Variants in DISP3 observed in about 807,000 individuals in gnomAD.
DISP3 encodes dispatched RND transporter family member 3.
A neutral mutation model predicts 135.3 loss-of-function variants in DISP3; 101 were observed. The observed-to-expected ratio is 0.75, with a 90% CI of 0.64 to 0.88. The LOEUF is 0.88. Ranked by LOEUF, DISP3 falls within the 40% of genes least tolerant of loss-of-function variation. DISP3 has a pLI of 0.00. For synonymous variants in DISP3, 856 were observed against 817.0 expected, an observed-to-expected ratio of 1.05 and a Z score of -0.81; for missense variants, 1,713 against 1,878.6, an observed-to-expected ratio of 0.91 and a Z score of 1.63.
chr1:11,535,009 AG>A lies in DISP3; in HGVS notation c.3538del, dbSNP rs1351962586. 6.3e-7 allele frequency: 1 copy of A among 1,575,204 alleles called. No homozygotes were observed. On this transcript the variant is annotated splice_acceptor_variant, in intron 18 of 20. Transcript: ENST00000294484. LOFTEE classifies it high-confidence loss of function. ...GCACTGAGGCCCTGTCCTCCCTTGC[AG>A]GGGTGCAGAGCGCCCTGTGCGGCCT...
Position 11,531,686 on chromosome 1 carries a change from G to A in DISP3, c.3351G>A (p.Gln1117=). 1 of 1,609,618 alleles carries A rather than the reference G, an allele frequency of 6.2e-7. No homozygotes were observed. The highest frequency in any genetic ancestry group is 8.5e-7 in the Non-Finnish European group (1 of 1,177,802). ...TGGGCGTCAGGGAGGGCCGCGTGCA[G>A]TGGATCTCCATGGCTTTCGAGTCGG... ...GAVGVREGRV[Q]WISMAFESTT... Residue 1117 remains glutamine, a synonymous_variant, in exon 17 of 21, where the codon CAG becomes CAA. Transcript: ENST00000294484. This position sits in a 1 kb window ranked among gnomAD's most constrained non-coding sequence, Gnocchi z 5.2.
At chr1:11,480,575 G>C (rs1306256807) in intron 1 of DISP3, among the ~76,000 whole-genome samples, 1 of 151,932 alleles carries the variant, frequency 6.6e-6, no homozygotes, top group African/African-American at 2.4e-5. Flanking sequence ...CTAAGCCCCA[G>C]ATTCCAGAGC....
At chr1:11,498,557 G>T (rs929294671) in intron 1 of DISP3, among the ~76,000 whole-genome samples, 9 of 152,166 alleles carry the variant, frequency 5.9e-5, no homozygotes, top group Non-Finnish European at 1.5e-5. Context: ...GGGTGGGCTG[G>T]TGATTTTGGC....
At chr1:11,511,910 C>T (rs1641866465) in intron 3 of DISP3, among the ~76,000 whole-genome samples, 1 of 152,238 alleles carries the variant, frequency 6.6e-6, no homozygotes, top group South Asian at 2.1e-4. Flanking sequence ...GACTTCTTTG[C>T]ATCCACAGAC....
rs755515211 is a variant in DISP3 at position 11,501,718 on chromosome 1, C to G, written c.726C>G (p.Val242=). The part of the protein sequence containing the change: ...YQPSIPPHAA[V]AANQSRARRG... ...CCAGCATCCCGCCCCACGCGGCAGTCGCGGCCAATCAGAGCCGTGCCCGCC... is the reference window on the plus strand; with the variant it reads ...CCAGCATCCCGCCCCACGCGGCAGTGGCGGCCAATCAGAGCCGTGCCCGCC... The change falls in exon 2 of 21, where the codon GTC becomes GTG. Residue 242 remains valine, a synonymous_variant. Coordinates refer to ENST00000294484, the MANE Select transcript of DISP3 (RefSeq NM_020780.2). This position sits in a 1 kb window ranked among gnomAD's most constrained non-coding sequence, Gnocchi z 4.9. 6.3e-5 allele frequency: 101 copies of G among 1,597,538 alleles called. No individual in the cohort carries two copies. Among genetic ancestry groups the G allele is most frequent in the Non-Finnish European group, 7.0e-5 (82 of 1,172,110 alleles).
At chr1:11,498,337 G>A (rs774824811) in intron 1 of DISP3, among the ~76,000 whole-genome samples, 5 of 152,074 alleles carry the variant, frequency 3.3e-5, no homozygotes, top group Admixed American at 1.3e-4. Flanking sequence ...CTGCAGCAGC[G>A]TCGCTCACAT....
At chr1:11,530,091 CAGAACCCCTAT>C (rs1642537578) in intron 15 of DISP3, 132 bp downstream of exon 15, 2 of 1,270,970 alleles carry the variant, frequency 1.6e-6, no homozygotes, top group Non-Finnish European at 2.1e-6. Flanking sequence ...CTAACCCAGA[CAGAACCCCTAT>C]GGGCCCCTGG....
Position 11,534,361 on chromosome 1 carries a change from G to A in DISP3, c.3376-20G>A. ...GCCACAGTCCCTGCCTGTCTCACTA[G>A]CTCACATCTCTCCCCACAGACCACG... On this transcript the variant is annotated intron_variant, in intron 17 of 20. Coordinates refer to ENST00000294484, the MANE Select transcript of DISP3 (RefSeq NM_020780.2). 2 of 1,614,106 alleles carry A rather than the reference G, an allele frequency of 1.2e-6. No homozygotes were observed. Among genetic ancestry groups the A allele is most frequent in the Non-Finnish European group, 1.7e-6 (2 of 1,179,948 alleles).
chr1:11,518,218 A>G (rs921755463), intron 7 of DISP3, among the ~76,000 whole-genome samples: 1 of 152,184 alleles, frequency 6.6e-6, no homozygotes, highest in African/African-American at 2.4e-5. Flanking sequence ...AACAGGGCCC[A>G]CTCATTGTGA....
At chr1:11,507,629 G>T (rs774406911) in intron 3 of DISP3, among the ~76,000 whole-genome samples, 6 of 152,216 alleles carry the variant, frequency 3.9e-5, no homozygotes, top group Non-Finnish European at 7.3e-5. Flanking sequence ...AAAAATGGCT[G>T]TAGAAGGGCA....
chr1:11,533,363 C>A (rs1642622573), intron 17 of DISP3, among the ~76,000 whole-genome samples: 2 of 150,024 alleles, frequency 1.3e-5, no homozygotes, highest in South Asian at 4.2e-4. Context: ...TCAAGTGATT[C>A]TCCTGCCTCA....
At chr1:11,487,633 C>T (rs1056416243) in intron 1 of DISP3, among the ~76,000 whole-genome samples, 3 of 152,234 alleles carry the variant, frequency 2.0e-5, no homozygotes, top group African/African-American at 7.2e-5. Context: ...CAGGCTTCAC[C>T]TCCTCCAGCT....
intron 3 of DISP3, among the ~76,000 whole-genome samples, chr1:11,506,196 A>C (rs1173180292): frequency 4.6e-5 from 7 of 152,182 alleles, no homozygotes; most frequent in African/African-American, 1.7e-4. Context: ...TGTTTTCACC[A>C]GTCTTACTGT....
intron 12 of DISP3, among the ~76,000 whole-genome samples, chr1:11,525,737 C>T (rs116222456): frequency 5.9e-4 from 90 of 152,304 alleles, no homozygotes; most frequent in African/African-American, 2.0e-3. Context: ...GCTGCTCCAG[C>T]GCTGCAGAAA....
chr1:11,529,861 C>T lies in DISP3; in HGVS notation c.3004C>T (p.Arg1002Trp), dbSNP rs1199685470. The T allele has an allele frequency of 1.9e-5, 31 of 1,613,886 alleles. No homozygotes were observed. The highest frequency in any genetic ancestry group is 3.3e-5 in the Admixed American group (2 of 59,998). ...VNTGCGKPAVRPLVDTGAMVF... is the reference protein window; with the variant it reads ...VNTGCGKPAVWPLVDTGAMVF... The stretch of plus-strand genomic sequence containing the variant: ...CACGGGCTGCGGGAAGCCGGCGGTG[C>T]GGCCACTAGTGGATACCGGGGCCAT... The change falls in exon 15 of 21, where the codon CGG becomes TGG. Residue 1002 changes from arginine (R) to tryptophan (W), a missense_variant. Coordinates refer to ENST00000294484, the MANE Select transcript of DISP3 (RefSeq NM_020780.2). The surrounding 1 kb of genome is among the most constrained non-coding windows in gnomAD (Gnocchi z 4.7).
At chr1:11,481,059 T>TCACA (rs1432849063) in intron 1 of DISP3, among the ~76,000 whole-genome samples, 22 of 116,996 alleles carry the variant, frequency 1.9e-4, no homozygotes, top group Middle Eastern at 4.6e-3. Context: ...TCTCTCTCTC[T>TCACA]CTCTCACACA....
chr1:11,480,605 C>T (rs562646108), intron 1 of DISP3, among the ~76,000 whole-genome samples: 43 of 151,938 alleles, frequency 2.8e-4, no homozygotes, highest in Non-Finnish European at 3.4e-4. Flanking sequence ...GGTGTTCTCA[C>T]CGATGCCCAG....
chr1:11,513,736 G>A (rs1641923075), intron 3 of DISP3, among the ~76,000 whole-genome samples: 1 of 152,136 alleles, frequency 6.6e-6, no homozygotes, highest in African/African-American at 2.4e-5. Flanking sequence ...ACTGAGGACT[G>A]GAAACTCTCA....
At chr1:11,517,117 G>A (rs1642033826) in intron 6 of DISP3, among the ~76,000 whole-genome samples, 2 of 151,582 alleles carry the variant, frequency 1.3e-5, no homozygotes, top group Admixed American at 6.6e-5. Context: ...ACATGGCCTG[G>A]TCTAGCGGGA....
Sources: gnomAD v4.1 joint callset for allele counts (sites outside exome capture counted in the v4.1 genomes callset) on GRCh38, gnomAD v4.1.1 for gene constraint, Gnocchi (gnomAD v3.1) non-coding constraint, MANE v1.5 for transcripts, NCBI Gene and HGNC (gene_info 2026-07-23, HGNC 2026-07-21) for gene names.